CXADR: variants seen among roughly 807,000 people sequenced by gnomAD.
The protein encoded by CXADR is CXADR cell adhesion molecule.
Under a neutral mutation model 40.3 loss-of-function variants are expected in CXADR, and 20 were observed. That is an observed-to-expected ratio of 0.50 (90% CI 0.35 to 0.72). CXADR has a LOEUF of 0.72. CXADR is among the 30% of genes least tolerant of loss of function. The pLI, the probability that CXADR is intolerant of heterozygous loss-of-function variation, is 0.01. For synonymous variants in CXADR, 150 were observed against 161.3 expected, an observed-to-expected ratio of 0.93 and a Z score of 0.53; for missense variants, 332 against 449.1, an observed-to-expected ratio of 0.74 and a Z score of 2.36.
intron 1 of CXADR, among the ~76,000 whole-genome samples, chr21:17,540,468 C>G (rs965981426): frequency 2.6e-5 from 4 of 152,110 alleles, no homozygotes; most frequent in African/African-American, 9.7e-5. Context: ...AGTCATACTT[C>G]TATTTATATG....
intron 7 of CXADR, chr21:17,593,073 C>G: frequency 3.4e-6 from 4 of 1,172,818 alleles, no homozygotes; most frequent in Non-Finnish European, 4.4e-6. Flanking sequence ...AAAAGTATTG[C>G]TGATCTTAGT....
intron 2 of CXADR, among the ~76,000 whole-genome samples, chr21:17,551,236 C>T (rs555685312): frequency 1.3e-5 from 2 of 152,090 alleles, no homozygotes; most frequent in Non-Finnish European, 2.9e-5. Context: ...CCCTTGTCTA[C>T]TAAAAATACA....
chr21:17,615,913 T>C, the CXADR span, among the ~76,000 whole-genome samples: 1 of 152,188 alleles, frequency 6.6e-6, no homozygotes, highest in African/African-American at 2.4e-5. Context: ...TCACTAAATA[T>C]GTGAGTCTTT....
chr21:17,556,262 A>G (rs1448186392), intron 3 of CXADR, among the ~76,000 whole-genome samples: 2 of 152,164 alleles, frequency 1.3e-5, no homozygotes, highest in Admixed American at 1.3e-4. Flanking sequence ...CTCGTAGTGT[A>G]ATGGTTGGAT....
At position 17,545,951 on chromosome 21, in the gene CXADR, G is replaced by C. The variant is rs75026218; in HGVS notation, c.44-1076G>C. On this transcript the variant is annotated intron_variant, in intron 1 of 6. Transcript: ENST00000284878. ...TGTGCCACCATACCCAGCCAATTTT[G>C]TATTTCTAGTAGAGATGGGGTTTCA... is the stretch of plus-strand genomic sequence containing the variant. Among the ~76,000 whole-genome samples the C allele has an allele frequency of 8.2e-3, 1,247 of 152,022 alleles. 68 individuals are homozygous for C. In the East Asian group the frequency reaches 0.16, roughly 19 times the overall value.
rs77214849 is a variant in CXADR at position 17,557,637 on chromosome 21, T to C, written c.416-1339T>C. On this transcript the variant is annotated intron_variant, in intron 3 of 6. Transcript: ENST00000284878. ...ATAAGCAAACTTGTGTTATAGTCCA[T>C]TGAAATACTAAAATAACTATATATA... Among the ~76,000 whole-genome samples, 493 of 152,312 alleles carry C rather than the reference T, an allele frequency of 3.2e-3. 23 individuals are homozygous for C. In the East Asian group the frequency reaches 0.082, roughly 25 times the overall value.
In CXADR at chr21:17,567,945, A is replaced by G; in HGVS notation, c.*2253A>G. On this transcript the variant is annotated 3_prime_UTR_variant, in exon 7 of 7. Transcript: ENST00000284878. ...TTAGAGGACATTGTTTTAAAGGCTT[A>G]TGTCTCACTGTAAAATTCTGTCAGC... 1.0e-6 allele frequency: 1 copy of G among 983,900 alleles called. No individual in the cohort carries two copies. 60.9% of individuals were successfully genotyped at this position (983,900 alleles called of 1,614,324 possible).
chr21:17,574,926 TG>T (rs147749985), downstream of CXADR, among the ~76,000 whole-genome samples: 6,195 of 151,984 alleles, frequency 0.041, 191 homozygotes, highest in Non-Finnish European at 0.06. Flanking sequence ...GCCCAAACTA[TG>T]GGCACTTCAC....
intron 1 of CXADR, among the ~76,000 whole-genome samples, chr21:17,526,053 T>C (rs2060594971): frequency 6.6e-6 from 1 of 152,244 alleles, no homozygotes; most frequent in Non-Finnish European, 1.5e-5. Flanking sequence ...AAAATGTTTT[T>C]CGTACTTTGC....
At chr21:17,553,696 A>G (rs966472082) in intron 3 of CXADR, among the ~76,000 whole-genome samples, 3 of 146,342 alleles carry the variant, frequency 2.0e-5, no homozygotes, top group African/African-American at 7.6e-5. Flanking sequence ...ATCTCGGCTC[A>G]CGGCAACCTC....
rs1190128686 is a variant in CXADR, at chr21:17,567,348, TA to T, written c.*1661del. ...TAGTTTTACATATTTGGAAGCATTT[TA>T]AAAACAGGTTTTAACCTTATGTAAA... On this transcript the variant is annotated 3_prime_UTR_variant, in exon 7 of 7. Coordinates refer to ENST00000284878, the MANE Select transcript of CXADR (RefSeq NM_001338.5). The T allele has an allele frequency of 1.0e-6, 1 of 985,148 alleles. No individual in the cohort carries two copies. The highest frequency in any genetic ancestry group is 1.2e-6 in the Non-Finnish European group (1 of 829,736). 61.0% of individuals were successfully genotyped at this position (985,148 alleles called of 1,614,324 possible).
the CXADR span, among the ~76,000 whole-genome samples, chr21:17,626,266 T>C: frequency 6.6e-6 from 1 of 152,258 alleles, no homozygotes; most frequent in Non-Finnish European, 1.5e-5. Context: ...AGACAGGTTT[T>C]TTAAAAAAAT....
At chr21:17,516,400 G>A (rs114612485) in intron 1 of CXADR, among the ~76,000 whole-genome samples, 2,739 of 152,250 alleles carry the variant, frequency 0.018, 87 homozygotes, top group African/African-American at 0.063. Context: ...TTTATTATTA[G>A]CTCTTTAATG....
intron 6 of CXADR, among the ~76,000 whole-genome samples, chr21:17,562,346 G>A (rs1233567819): frequency 6.6e-6 from 1 of 152,128 alleles, no homozygotes; most frequent in Non-Finnish European, 1.5e-5. Flanking sequence ...CTGAGACAAG[G>A]TCTCGCTCTC....
Position 17,528,709 on chromosome 21 carries a change from A to G in CXADR, c.43+15537A>G, listed in dbSNP as rs373233817. Among the ~76,000 whole-genome samples the G allele has an allele frequency of 1.9e-4, 29 of 152,138 alleles. No homozygotes were observed. The East Asian group carries it at 3.1e-3, about 16-fold the overall frequency. Reference sequence around the variant, plus strand: ...AAGCGTGAGGCAGCACGCCCGGCCAACCAGAGACCCTTTAATGCTTAGATC... The same window carrying G: ...AAGCGTGAGGCAGCACGCCCGGCCAGCCAGAGACCCTTTAATGCTTAGATC... On this transcript the variant is annotated intron_variant, in intron 1 of 6. Transcript: ENST00000284878.
intron 1 of CXADR, among the ~76,000 whole-genome samples, chr21:17,539,735 T>C (rs935647605): frequency 4.6e-5 from 7 of 152,332 alleles, no homozygotes; most frequent in African/African-American, 7.2e-5. Flanking sequence ...AGAGGGACCA[T>C]CCAGGCAGTT....
chr21:17,539,072 T>A (rs143552484), intron 1 of CXADR, among the ~76,000 whole-genome samples: 6 of 152,340 alleles, frequency 3.9e-5, no homozygotes, highest in African/African-American at 1.4e-4. Context: ...TTTGTGCAGA[T>A]GATTGGTGAT....
chr21:17,613,903 T>C, the CXADR span: 3 of 152,332 alleles, frequency 2.0e-5, no homozygotes, highest in African/African-American at 7.2e-5. Flanking sequence ...ACTTAAGAAC[T>C]GAATGTTCAA....
intron 7 of CXADR, among the ~76,000 whole-genome samples, chr21:17,589,020 T>C (rs1014978667): frequency 6.6e-6 from 1 of 151,908 alleles, no homozygotes; most frequent in African/African-American, 2.4e-5. Flanking sequence ...TTAAAGTTTA[T>C]TTCCAGGTAT....
Sources: gnomAD v4.1 joint callset for allele counts (sites outside exome capture counted in the v4.1 genomes callset) on GRCh38, gnomAD v4.1.1 for gene constraint, MANE v1.5 for transcripts, NCBI Gene and HGNC (gene_info 2026-07-23, HGNC 2026-07-21) for gene names.